Variants in NPAS3 observed in about 807,000 individuals in gnomAD.
NPAS3 encodes neuronal PAS domain-containing protein 3.
A neutral mutation model predicts 73.1 loss-of-function variants in NPAS3; 14 were observed. The ratio of observed to expected loss-of-function variants is 0.19; its 90% confidence interval spans 0.13 to 0.30. The LOEUF is 0.30. Ranked by LOEUF, NPAS3 falls within the 10% of genes least tolerant of loss-of-function variation. The pLI, the probability that NPAS3 is intolerant of heterozygous loss-of-function variation, is 1.00. For synonymous variants in NPAS3, 620 were observed against 541.5 expected (o/e 1.14, Z -2.01); for missense variants, 1,096 against 1,250.0 (o/e 0.88, Z 1.86).
At chr14:33,672,096 C>A (rs1310457920) in intron 5 of NPAS3, among the ~76,000 whole-genome samples, 1 of 152,070 alleles carries the variant, frequency 6.6e-6, no homozygotes, top group African/African-American at 2.4e-5. Flanking sequence ...AGCGTGTTAA[C>A]ACCTGAAACT....
chr14:33,034,402 G>C (rs2040094534), intron 1 of NPAS3, among the ~76,000 whole-genome samples: 1 of 151,302 alleles, frequency 6.6e-6, no homozygotes, highest in African/African-American at 2.4e-5. Flanking sequence ...AACCAACTTG[G>C]TACACTCAGC....
At chr14:33,115,323 T>G (rs984841682) in intron 2 of NPAS3, among the ~76,000 whole-genome samples, 9 of 151,898 alleles carry the variant, frequency 5.9e-5, no homozygotes, top group Non-Finnish European at 1.3e-4. Context: ...AGGAAGGAGG[T>G]AGGTGCAGTG....
chr14:33,633,971 A>G (rs892027032), intron 5 of NPAS3, among the ~76,000 whole-genome samples: 6 of 152,136 alleles, frequency 3.9e-5, no homozygotes, highest in African/African-American at 1.4e-4. Flanking sequence ...GAGTGAGACC[A>G]TGTCTCAAAA....
At position 33,348,361 on chromosome 14, in the gene NPAS3, T is replaced by A. The variant is rs2044849967; in HGVS notation, c.386-18825T>A. 2.0e-5 allele frequency among the ~76,000 whole-genome samples: 3 copies of A among 152,048 alleles called. No individual in the cohort carries two copies. In the South Asian group the frequency reaches 6.2e-4, roughly 32 times the overall value. On this transcript the variant is annotated intron_variant, in intron 3 of 11. Transcript: ENST00000356141. ...GGAACCTTCTTAAGCATAGGTAATT[T>A]GTCAGTTGAAAATCGCACATGGATA...
chr14:33,346,527 C>CAAA (rs33926266), intron 3 of NPAS3, among the ~76,000 whole-genome samples: 711 of 70,000 alleles, frequency 0.01, 27 homozygotes, highest in African/African-American at 0.033. Context: ...GACCCTGTCT[C>CAAA]AAAAAAAAAA....
At chr14:33,615,914 T>C (rs2057901689) in intron 5 of NPAS3, among the ~76,000 whole-genome samples, 1 of 152,160 alleles carries the variant, frequency 6.6e-6, no homozygotes, top group Non-Finnish European at 1.5e-5. Context: ...TGGCAGTACG[T>C]TCTTTGGCTT....
intron 4 of NPAS3, among the ~76,000 whole-genome samples, chr14:33,544,001 ATC>A (rs1438004510): frequency 1.4e-4 from 9 of 66,446 alleles, no homozygotes; most frequent in African/African-American, 4.3e-4. Flanking sequence ...ATATATATAT[ATC>A]TATATCAGGA....
Position 33,374,123 on chromosome 14 carries a change from A to C in NPAS3, c.468+6855A>C, listed in dbSNP as rs905644975. Reference sequence around the variant, plus strand: ...CAAATGTAGTGATTTTCTGTTTGTTAGTCAAAGTAATCAAAGATTTGTGTG... The same window carrying C: ...CAAATGTAGTGATTTTCTGTTTGTTCGTCAAAGTAATCAAAGATTTGTGTG... On this transcript the variant is annotated intron_variant, in intron 4 of 11. Coordinates refer to ENST00000356141, the Ensembl canonical transcript of NPAS3. 1.8e-4 allele frequency among the ~76,000 whole-genome samples: 28 copies of C among 152,192 alleles called. 1 individual carries two copies. Among genetic ancestry groups the C allele is most frequent in the Admixed American group, 2.0e-4 (3 of 15,266 alleles).
intron 4 of NPAS3, among the ~76,000 whole-genome samples, chr14:33,379,705 G>A (rs1254396968): frequency 6.6e-6 from 1 of 152,116 alleles, no homozygotes; most frequent in African/African-American, 2.4e-5. Context: ...ATGGGTGGGT[G>A]GGTGATAATG....
rs75003559 is a variant in NPAS3 at position 33,587,304 on chromosome 14, CAAA to C, written c.558+27100_558+27102del. Among the ~76,000 whole-genome samples the C allele has an allele frequency of 0.013, 2,002 of 151,782 alleles. 103 individuals carry two copies. The East Asian group carries it at 0.19, about 15-fold the overall frequency. ...ATTTAATATCATACTTTACCCATGA[CAAA>C]AAAAACTAGCACTTATGACAGATGT... On this transcript the variant is annotated intron_variant, in intron 5 of 11. Transcript: ENST00000356141.
At chr14:33,244,524 AAC>A (rs1491024010) in intron 3 of NPAS3, among the ~76,000 whole-genome samples, 3 of 151,864 alleles carry the variant, frequency 2.0e-5, no homozygotes, top group Non-Finnish European at 1.5e-5. Flanking sequence ...AAAAAAAAAA[AAC>A]ATATTTATCT....
At chr14:33,424,285 G>A (rs1316170431) in intron 4 of NPAS3, among the ~76,000 whole-genome samples, 2 of 152,110 alleles carry the variant, frequency 1.3e-5, no homozygotes, top group Non-Finnish European at 2.9e-5. Context: ...CTTAAAAGAA[G>A]GCTAAAGTGG....
chr14:33,785,394 C>G (rs555796444), intron 9 of NPAS3, among the ~76,000 whole-genome samples: 1 of 144,810 alleles, frequency 6.9e-6, no homozygotes, highest in Non-Finnish European at 1.5e-5. Context: ...AAGATCATGC[C>G]ACTGCACTCC....
chr14:33,079,911 T>C lies in NPAS3; in HGVS notation c.140+23917T>C, dbSNP rs142763509. Among the ~76,000 whole-genome samples, 365 of 151,510 alleles carry C rather than the reference T, an allele frequency of 2.4e-3. 1 individual carries two copies. Among genetic ancestry groups the C allele is most frequent in the African/African-American group, 8.5e-3 (352 of 41,322 alleles). On this transcript the variant is annotated intron_variant, in intron 2 of 11. Transcript: ENST00000356141. ...TACAGGCATGAGCTATCGCGCCCAG[T>C]TGAATTGTACTTTTTCTTTCAAATG...
Position 33,223,174 on chromosome 14 carries a change from C to T in NPAS3, c.385+7748C>T, listed in dbSNP as rs139576557. ...AAAAATACAAAAATTAGCCAGGTGT[C>T]GTGGCAAGTGCCTGTAATCCCAGCT... On this transcript the variant is annotated intron_variant, in intron 3 of 11. Coordinates refer to ENST00000356141, the Ensembl canonical transcript of NPAS3. 5.8e-4 allele frequency among the ~76,000 whole-genome samples: 88 copies of T among 152,082 alleles called. 3 individuals carry two copies. The East Asian group carries it at 0.012, about 20-fold the overall frequency.
intron 2 of NPAS3, among the ~76,000 whole-genome samples, chr14:33,199,705 C>T (rs1000369286): frequency 7.3e-6 from 1 of 136,492 alleles, no homozygotes; most frequent in Non-Finnish European, 1.6e-5. Context: ...CTGCCCTTTT[C>T]CCCTCCCCCT....
chr14:33,786,142 C>T (rs2063166172), intron 9 of NPAS3, among the ~76,000 whole-genome samples: 2 of 152,134 alleles, frequency 1.3e-5, no homozygotes, highest in Admixed American at 1.3e-4. Context: ...AGGAGGAGGC[C>T]ATCAAACATA....
intron 4 of NPAS3, among the ~76,000 whole-genome samples, chr14:33,386,196 C>A (rs1334243982): frequency 2.0e-5 from 3 of 151,838 alleles, no homozygotes; most frequent in African/African-American, 7.3e-5. Flanking sequence ...ATTTGGCTAA[C>A]AAATTTAATA....
At chr14:32,950,367 GAGTTAT>G in intron 1 of NPAS3, among the ~76,000 whole-genome samples, 1 of 152,106 alleles carries the variant, frequency 6.6e-6, no homozygotes, top group East Asian at 1.9e-4. Flanking sequence ...ATATATGCAA[GAGTTAT>G]AGTTAGCAGC....
Sources: gnomAD v4.1 joint callset for allele counts (sites outside exome capture counted in the v4.1 genomes callset) on GRCh38, gnomAD v4.1.1 for gene constraint, MANE v1.5 for transcripts, NCBI Gene and HGNC (gene_info 2026-07-23, HGNC 2026-07-21) for gene names.